GALNT14: variants seen among roughly 807,000 people sequenced by gnomAD.
GALNT14 encodes the protein UDP-GalNAc:polypeptide N-acetylgalactosaminyltransferase 14.
GALNT14 carries 60 observed loss-of-function variants against 77.5 expected under a neutral mutation model. The ratio of observed to expected loss-of-function variants is 0.77; its 90% CI spans 0.63 to 0.96. The LOEUF is 0.96. Ranked by LOEUF, GALNT14 falls within the 40% of genes least tolerant of loss-of-function variation. The pLI, the probability that GALNT14 is intolerant of heterozygous loss-of-function variation, is 0.00. For synonymous variants in GALNT14, 280 were observed against 281.7 expected (o/e 0.99, Z 0.06); for missense variants, 710 against 731.0 (o/e 0.97, Z 0.33).
chr2:31,092,511 AC>A, intron 1 of GALNT14, among the ~76,000 whole-genome samples: 1 of 152,320 alleles, frequency 6.6e-6, no homozygotes, highest in South Asian at 2.1e-4. Context: ...ATTCTGAAGA[AC>A]AACCAGGAAC....
chr2:31,057,495 C>A (rs2148533219), intron 1 of GALNT14, among the ~76,000 whole-genome samples: 1 of 149,454 alleles, frequency 6.7e-6, no homozygotes, highest in Admixed American at 6.7e-5. Context: ...CTGGGCCAAG[C>A]CTGGGAGACT....
At chr2:30,973,335 C>A (rs77564324) in intron 2 of GALNT14, among the ~76,000 whole-genome samples, 1 of 152,220 alleles carries the variant, frequency 6.6e-6, no homozygotes, top group Non-Finnish European at 1.5e-5. Flanking sequence ...CCTTTCCTCA[C>A]CACCAGCCCC....
chr2:31,025,196 A>G (rs6708989), intron 1 of GALNT14, among the ~76,000 whole-genome samples: 65,745 of 152,016 alleles, frequency 0.43, 14,440 homozygotes, highest in East Asian at 0.55. Flanking sequence ...AGTTATCACT[A>G]TTATTCCTAT....
At chr2:30,936,233 C>T (rs912515172) in intron 9 of GALNT14, among the ~76,000 whole-genome samples, 2 of 152,068 alleles carry the variant, frequency 1.3e-5, no homozygotes, top group African/African-American at 4.8e-5. Context: ...GCTTACCACC[C>T]CTCCCAGGGT....
Position 31,138,141 on chromosome 2 carries a change from C to T in GALNT14, c.-55G>A. On this transcript the variant is annotated 5_prime_UTR_variant, in exon 1 of 15. Coordinates refer to ENST00000349752, the MANE Select transcript of GALNT14 (RefSeq NM_024572.4). ...GCTACGTCCCGGGGGCACCCCCCGG[C>T]GGTCAGGGTTGGCGGGGCAGGAGTC... 1 of 1,610,724 alleles carries T rather than the reference C, an allele frequency of 6.2e-7. No individual in the cohort carries two copies. Among genetic ancestry groups the T allele is most frequent in the Non-Finnish European group, 8.5e-7 (1 of 1,178,016 alleles).
At chr2:30,932,284 C>T in intron 9 of GALNT14, 90 bp from the exon 10 acceptor site, 2 of 1,264,704 alleles carry the variant, frequency 1.6e-6, no homozygotes, top group Non-Finnish European at 2.1e-6. Flanking sequence ...GAGGCCCCCG[C>T]AGAGGCGAAA....
At chr2:30,923,056 CTTTT>C (rs56163710) in intron 13 of GALNT14, among the ~76,000 whole-genome samples, 38 of 116,528 alleles carry the variant, frequency 3.3e-4, no homozygotes, top group East Asian at 8.1e-4. Flanking sequence ...ACAAACGTGC[CTTTT>C]TTTTTTTTTT....
intron 1 of GALNT14, among the ~76,000 whole-genome samples, chr2:31,068,252 C>A (rs1675110796): frequency 6.6e-6 from 1 of 152,034 alleles, no homozygotes; most frequent in South Asian, 2.1e-4. Flanking sequence ...TTTGGGAGGC[C>A]AAGGCAGGTG....
intron 1 of GALNT14, among the ~76,000 whole-genome samples, chr2:31,127,662 T>C (rs922403949): frequency 6.6e-6 from 1 of 152,226 alleles, no homozygotes; most frequent in Non-Finnish European, 1.5e-5. Context: ...AGGAGTTGAA[T>C]TGCAGGGTCA....
At chr2:30,920,493 G>C (rs1210787648) in intron 13 of GALNT14, among the ~76,000 whole-genome samples, 3 of 152,172 alleles carry the variant, frequency 2.0e-5, no homozygotes, top group Non-Finnish European at 4.4e-5. Context: ...GCAGCCATAA[G>C]AGGAGAGAAT....
chr2:31,101,020 G>T (rs6760971), intron 1 of GALNT14, among the ~76,000 whole-genome samples: 95,786 of 151,840 alleles, frequency 0.63, 32,430 homozygotes, highest in African/African-American at 0.89. Flanking sequence ...TTCTATTGAA[G>T]GCATATTCTT....
chr2:30,910,482 T>A lies in GALNT14; in HGVS notation c.*419A>T, dbSNP rs1440583657. On this transcript the variant is annotated 3_prime_UTR_variant, in exon 15 of 15. Transcript: ENST00000349752. Reference sequence around the variant, plus strand: ...GCAAGAGATGTCCAGAGACAACTTCTAAGTTTCTCTTTATTTCTTTTGGAA... The same window carrying A: ...GCAAGAGATGTCCAGAGACAACTTCAAAGTTTCTCTTTATTTCTTTTGGAA... 1 of 159,422 alleles carries A rather than the reference T, an allele frequency of 6.3e-6. No homozygotes were observed. The highest frequency in any genetic ancestry group is 2.4e-5 in the African/African-American group (1 of 41,564). The allele number at this position is 159,422 out of a possible 1,614,324, so 9.9% of individuals were successfully genotyped here. A position where few individuals can be genotyped will look rare whatever the true frequency, so the allele number is the denominator to read the frequency against.
At chr2:30,979,827 C>A (rs955785696) in intron 2 of GALNT14, among the ~76,000 whole-genome samples, 1 of 152,088 alleles carries the variant, frequency 6.6e-6, no homozygotes, top group Non-Finnish European at 1.5e-5. Flanking sequence ...TCAGAGGTCT[C>A]CCTCCCACAG....
At chr2:30,923,098 T>C (rs948697130) in intron 13 of GALNT14, among the ~76,000 whole-genome samples, 2 of 150,554 alleles carry the variant, frequency 1.3e-5, no homozygotes, top group African/African-American at 4.9e-5. Context: ...GTTTCACTAT[T>C]GTTGCCTGGG....
chr2:30,932,773 T>A (rs1665818808), intron 9 of GALNT14, among the ~76,000 whole-genome samples: 1 of 152,148 alleles, frequency 6.6e-6, no homozygotes, highest in Non-Finnish European at 1.5e-5. Context: ...TCCACAAAAG[T>A]TCCTTCCACA....
chr2:31,000,985 G>A (rs1670336770), intron 1 of GALNT14, among the ~76,000 whole-genome samples: 1 of 152,142 alleles, frequency 6.6e-6, no homozygotes, highest in Non-Finnish European at 1.5e-5. Flanking sequence ...TGAGGCACAG[G>A]GAGGATAAAT....
At chr2:31,022,755 T>C (rs1421222811) in intron 1 of GALNT14, among the ~76,000 whole-genome samples, 1 of 152,164 alleles carries the variant, frequency 6.6e-6, no homozygotes, top group Non-Finnish European at 1.5e-5. Flanking sequence ...TAATTCTAAA[T>C]AAAAACAATA....
intron 1 of GALNT14, among the ~76,000 whole-genome samples, chr2:31,049,083 C>T (rs1673673697): frequency 6.6e-6 from 1 of 152,172 alleles, no homozygotes; most frequent in Non-Finnish European, 1.5e-5. Flanking sequence ...CTCGAGGTCC[C>T]GTAACGTATA....
chr2:30,944,799 A>C (rs1666586018), intron 8 of GALNT14, 59 bp downstream of exon 8: 8 of 1,335,790 alleles, frequency 6.0e-6, no homozygotes, highest in Admixed American at 4.3e-5. Flanking sequence ...ACCTCCCTAC[A>C]CTTGACAGGA....
Sources: allele counts gnomAD v4.1 joint callset (sites outside exome capture counted in the v4.1 genomes callset), GRCh38; gene constraint gnomAD v4.1.1; transcripts MANE v1.5; gene names NCBI Gene and HGNC (gene_info 2026-07-23, HGNC 2026-07-21).